The following LRRTM4 variants were observed in gnomAD, a reference collection of about 807,000 sequenced individuals.
LRRTM4 encodes leucine rich repeat transmembrane neuronal 4.
LRRTM4 carries 25 observed loss-of-function variants against 47.6 expected under a neutral mutation model. The observed-to-expected ratio is 0.53, with a 90% confidence interval of 0.38 to 0.73. LRRTM4 has a LOEUF of 0.73. Ranked by LOEUF, LRRTM4 falls within the 30% of genes least tolerant of loss-of-function variation. The pLI is 0.00. For missense variants in LRRTM4, 638 were observed against 713.4 expected, an observed-to-expected ratio of 0.89 and a Z score of 1.20; for synonymous variants, 311 against 269.5, an observed-to-expected ratio of 1.15 and a Z score of -1.51.
At chr2:76,867,091 G>C (rs958586156) in intron 3 of LRRTM4, among the ~76,000 whole-genome samples, 2 of 152,070 alleles carry the variant, frequency 1.3e-5, no homozygotes, top group South Asian at 4.1e-4. Context: ...AGGGGAGGGA[G>C]AACATTAGGA....
chr2:77,163,918 C>A (rs1306475515), intron 3 of LRRTM4, among the ~76,000 whole-genome samples: 1 of 152,074 alleles, frequency 6.6e-6, no homozygotes, highest in Non-Finnish European at 1.5e-5. Flanking sequence ...GCAAAATAAC[C>A]AGCTAACATC....
intron 3 of LRRTM4, among the ~76,000 whole-genome samples, chr2:77,310,447 C>G (rs1007361504): frequency 5.3e-5 from 8 of 152,110 alleles, no homozygotes; most frequent in Non-Finnish European, 1.0e-4. Flanking sequence ...AAAATGGACT[C>G]TTCTGTGTGT....
At chr2:77,214,261 C>T (rs1241035418) in intron 3 of LRRTM4, among the ~76,000 whole-genome samples, 1 of 152,074 alleles carries the variant, frequency 6.6e-6, no homozygotes, top group Non-Finnish European at 1.5e-5. Flanking sequence ...ACAAGAGAGA[C>T]CTGTGTTCTT....
chr2:77,336,729 G>A (rs1671181578), intron 3 of LRRTM4, among the ~76,000 whole-genome samples: 1 of 152,056 alleles, frequency 6.6e-6, no homozygotes, highest in Non-Finnish European at 1.5e-5. Flanking sequence ...AATAATAAGA[G>A]CTATCAATGA....
At position 77,249,500 on chromosome 2, in the gene LRRTM4, C is replaced by A. The variant is rs1675544565; in HGVS notation, c.1551+268818G>T. On this transcript the variant is annotated intron_variant, in intron 3 of 3. Coordinates refer to ENST00000409884, the MANE Select transcript of LRRTM4 (RefSeq NM_001134745.3). ...GTTATTGAAAATATTAAAAAAAAAA[C>A]TCTTAGATATCAACAATAAAAAACA... Among the ~76,000 whole-genome samples the A allele has an allele frequency of 3.4e-5, 5 of 146,588 alleles. No individual in the cohort carries two copies. The South Asian group carries it at 1.1e-3, about 32-fold the overall frequency.
At chr2:76,794,572 T>C (rs115552622) in intron 3 of LRRTM4, among the ~76,000 whole-genome samples, 2,202 of 152,334 alleles carry the variant, frequency 0.014, 50 homozygotes, top group African/African-American at 0.049. Flanking sequence ...TATATGCTTT[T>C]TATTGATTTT....
chr2:77,169,007 G>A (rs894169231), intron 3 of LRRTM4, among the ~76,000 whole-genome samples: 3 of 152,038 alleles, frequency 2.0e-5, no homozygotes, highest in African/African-American at 7.2e-5. Context: ...ATCCAGAAAA[G>A]CATTTGATAT....
At chr2:77,148,659 A>T (rs188909525) in intron 3 of LRRTM4, among the ~76,000 whole-genome samples, 7 of 152,302 alleles carry the variant, frequency 4.6e-5, no homozygotes, top group Non-Finnish European at 7.4e-5. Flanking sequence ...AAATAATTTT[A>T]AAAAAGGGAA....
chr2:77,442,095 T>C (rs1675864923), intron 3 of LRRTM4, among the ~76,000 whole-genome samples: 2 of 152,094 alleles, frequency 1.3e-5, no homozygotes, highest in African/African-American at 4.8e-5. Context: ...AACAGCAGAA[T>C]GTGGAAAGAC....
intron 3 of LRRTM4, among the ~76,000 whole-genome samples, chr2:77,225,966 C>T (rs1211921361): frequency 6.6e-6 from 1 of 151,692 alleles, no homozygotes; most frequent in Non-Finnish European, 1.5e-5. Flanking sequence ...TTTATTCTTA[C>T]TGCGTGGTAG....
intron 3 of LRRTM4, among the ~76,000 whole-genome samples, chr2:77,365,202 A>G (rs113753158): frequency 8.3e-4 from 127 of 152,216 alleles, no homozygotes; most frequent in African/African-American, 3.0e-3. Flanking sequence ...ACATTTACCC[A>G]GAACATGTTT....
intron 3 of LRRTM4, among the ~76,000 whole-genome samples, chr2:76,784,935 T>A (rs375419163): frequency 2.6e-5 from 4 of 152,130 alleles, no homozygotes; most frequent in East Asian, 3.9e-4. Flanking sequence ...AGATTCACAA[T>A]AAACTGAGTG....
intron 3 of LRRTM4, among the ~76,000 whole-genome samples, chr2:76,775,487 A>G (rs183822834): frequency 4.6e-5 from 7 of 152,176 alleles, no homozygotes; most frequent in Non-Finnish European, 7.3e-5. Flanking sequence ...GGGCAATTAT[A>G]TACTGGAAAG....
At chr2:77,186,792 C>T (rs1673516721) in intron 3 of LRRTM4, among the ~76,000 whole-genome samples, 1 of 151,876 alleles carries the variant, frequency 6.6e-6, no homozygotes, top group Non-Finnish European at 1.5e-5. Flanking sequence ...TGGGGTCCAG[C>T]TAAGAGTTGA....
intron 3 of LRRTM4, among the ~76,000 whole-genome samples, chr2:76,859,014 T>TG (rs1382105332): frequency 6.6e-6 from 1 of 152,192 alleles, no homozygotes; most frequent in Non-Finnish European, 1.5e-5. Context: ...GGCTACACTG[T>TG]GGGGCTTCTT....
intron 3 of LRRTM4, among the ~76,000 whole-genome samples, chr2:76,795,866 G>A (rs113762384): frequency 0.13 from 19,057 of 151,744 alleles, 1,439 homozygotes; most frequent in East Asian, 0.29. Flanking sequence ...CGTGAGCGAC[G>A]CAGAAGACGG....
chr2:77,241,578 A>G (rs1055216879), intron 3 of LRRTM4, among the ~76,000 whole-genome samples: 13 of 151,990 alleles, frequency 8.6e-5, no homozygotes, highest in African/African-American at 3.1e-4. Flanking sequence ...CAGCAAAAGA[A>G]AATAACCTAT....
chr2:76,892,578 A>G (rs933237073), intron 3 of LRRTM4, among the ~76,000 whole-genome samples: 3 of 151,682 alleles, frequency 2.0e-5, no homozygotes, highest in African/African-American at 7.2e-5. Flanking sequence ...AGACAGTAAT[A>G]TGTATCAGGA....
chr2:77,269,839 C>G (rs1032244480), intron 3 of LRRTM4, among the ~76,000 whole-genome samples: 4 of 152,110 alleles, frequency 2.6e-5, no homozygotes, highest in Non-Finnish European at 5.9e-5. Context: ...AATGTTTTAT[C>G]CTTGGTAACA....
Sources: allele counts gnomAD v4.1 joint callset (sites outside exome capture counted in the v4.1 genomes callset), GRCh38; gene constraint gnomAD v4.1.1; transcripts MANE v1.5; gene names NCBI Gene and HGNC (gene_info 2026-07-23, HGNC 2026-07-21).